Variants in LRP1B observed in about 807,000 individuals in gnomAD.
The protein encoded by LRP1B is low-density lipoprotein receptor-related protein 1B.
LRP1B carries 217 observed loss-of-function variants against 556.6 expected under a neutral mutation model. The ratio of observed to expected loss-of-function variants is 0.39; its 90% CI spans 0.35 to 0.44. The LOEUF (loss-of-function observed/expected upper bound fraction) is 0.44. Ranked by LOEUF, LRP1B falls within the 20% of genes least tolerant of loss-of-function variation. The pLI is 1.00. For synonymous variants in LRP1B, 2,047 were observed against 1,865.8 expected, an observed-to-expected ratio of 1.10 and a Z score of -2.50; for missense variants, 5,053 against 5,620.8, an observed-to-expected ratio of 0.90 and a Z score of 3.23.
intron 2 of LRP1B, among the ~76,000 whole-genome samples, chr2:141,640,809 GAA>G (rs5834854): frequency 1.1e-4 from 17 of 150,488 alleles, no homozygotes; most frequent in East Asian, 3.9e-4. Flanking sequence ...ATAAAAATAA[GAA>G]AAAAAAAAAT....
intron 3 of LRP1B, among the ~76,000 whole-genome samples, chr2:141,429,448 A>G (rs1219834709): frequency 6.6e-6 from 1 of 152,140 alleles, no homozygotes; most frequent in Non-Finnish European, 1.5e-5. Flanking sequence ...CTTTTGGGGG[A>G]AAATTTTGTC....
At chr2:141,505,423 T>C (rs1236037074) in intron 2 of LRP1B, among the ~76,000 whole-genome samples, 4 of 152,098 alleles carry the variant, frequency 2.6e-5, no homozygotes, top group Non-Finnish European at 5.9e-5. Flanking sequence ...TGTAACAGTA[T>C]GTATACTCAC....
At chr2:141,774,936 T>TA (rs992995371) in intron 2 of LRP1B, among the ~76,000 whole-genome samples, 33 of 152,342 alleles carry the variant, frequency 2.2e-4, no homozygotes, top group African/African-American at 7.7e-4. Context: ...ATCTTTAAGA[T>TA]ACATATTCTT....
chr2:140,506,697 A>C, intron 53 of LRP1B, 99 bp downstream of exon 53: 1 of 1,275,852 alleles, frequency 7.8e-7, no homozygotes, highest in Non-Finnish European at 1.1e-6. Context: ...GATGACACTA[A>C]GAAATGTGTT....
rs191167048 is a variant in LRP1B at position 141,771,433 on chromosome 2, C to T, written c.205+38846G>A. ...TCTGTTAATCTGTTAACAGTCTTTTCCAGTGGGGATTTTAACCATGCATAA... is the reference window on the plus strand; with the variant it reads ...TCTGTTAATCTGTTAACAGTCTTTTTCAGTGGGGATTTTAACCATGCATAA... On this transcript the variant is annotated intron_variant, in intron 2 of 90. Transcript: ENST00000389484. Among the ~76,000 whole-genome samples the T allele has an allele frequency of 3.9e-5, 6 of 152,198 alleles. No individual in the cohort carries two copies. In the East Asian group the frequency reaches 1.2e-3, roughly 29 times the overall value.
chr2:141,879,708 A>G (rs182973341), intron 1 of LRP1B, among the ~76,000 whole-genome samples: 44 of 152,146 alleles, frequency 2.9e-4, no homozygotes, highest in African/African-American at 8.9e-4. Context: ...ATTAAAGAAA[A>G]ATAGAGTCAT....
intron 72 of LRP1B, among the ~76,000 whole-genome samples, chr2:140,359,438 T>C (rs865885229): frequency 2.6e-5 from 4 of 151,702 alleles, no homozygotes; most frequent in African/African-American, 4.8e-5. Flanking sequence ...AGTTTAGATA[T>C]GTATTTGAGG....
intron 2 of LRP1B, among the ~76,000 whole-genome samples, chr2:141,749,441 G>A (rs937446496): frequency 3.3e-5 from 5 of 152,070 alleles, no homozygotes; most frequent in African/African-American, 1.2e-4. Context: ...TTTCACCCAG[G>A]AAAGAAATGG....
At position 141,288,019 on chromosome 2, in the gene LRP1B, C is replaced by T. The variant is rs143981546; in HGVS notation, c.344-33378G>A. Reference sequence around the variant, plus strand: ...TGATGGCACCAGTGATTACAATATACATAGTATCTACTATCCCAACTCCTT... The same window carrying T: ...TGATGGCACCAGTGATTACAATATATATAGTATCTACTATCCCAACTCCTT... On this transcript the variant is annotated intron_variant, in intron 3 of 90. Coordinates refer to ENST00000389484, the MANE Select transcript of LRP1B (RefSeq NM_018557.3). Among the ~76,000 whole-genome samples the T allele has an allele frequency of 3.3e-3, 509 of 152,176 alleles. 3 individuals are homozygous for T. The highest frequency in any genetic ancestry group is 0.012 in the African/African-American group (484 of 41,552).
intron 3 of LRP1B, among the ~76,000 whole-genome samples, chr2:141,397,907 C>CATAT (rs1553508629): frequency 6.6e-6 from 1 of 151,332 alleles, no homozygotes. Context: ...TATATACACA[C>CATAT]ACATATATGC....
At chr2:141,030,506 C>T (rs1403491604) in intron 11 of LRP1B, among the ~76,000 whole-genome samples, 1 of 151,976 alleles carries the variant, frequency 6.6e-6, no homozygotes, top group Admixed American at 6.6e-5. Context: ...AGAAAATATG[C>T]ACATTCTTCT....
At chr2:141,096,094 A>G (rs1304665766) in intron 7 of LRP1B, among the ~76,000 whole-genome samples, 1 of 152,152 alleles carries the variant, frequency 6.6e-6, no homozygotes, top group Non-Finnish European at 1.5e-5. Flanking sequence ...ATGAGAATTC[A>G]ATTTAGACTT....
At chr2:141,181,904 C>A (rs1681015697) in intron 7 of LRP1B, among the ~76,000 whole-genome samples, 3 of 151,948 alleles carry the variant, frequency 2.0e-5, no homozygotes, top group Non-Finnish European at 2.9e-5. Context: ...TATAAAACAG[C>A]TGACATGAAT....
At chr2:141,983,928 G>T (rs1197575552) in intron 1 of LRP1B, among the ~76,000 whole-genome samples, 1 of 152,134 alleles carries the variant, frequency 6.6e-6, no homozygotes, top group Non-Finnish European at 1.5e-5. Flanking sequence ...GGGCATAGTG[G>T]CAGGTGCCTA....
At chr2:140,684,270 C>T (rs142265052) in intron 41 of LRP1B, among the ~76,000 whole-genome samples, 85 of 152,286 alleles carry the variant, frequency 5.6e-4, no homozygotes, top group African/African-American at 1.9e-3. Flanking sequence ...ATTTTGAAAT[C>T]AATGTTCATC....
chr2:141,682,952 T>A (rs766960285), intron 2 of LRP1B, among the ~76,000 whole-genome samples: 19 of 152,252 alleles, frequency 1.2e-4, no homozygotes, highest in Non-Finnish European at 1.6e-4. Context: ...TATAATTATT[T>A]CTAAATGTGG....
intron 45 of LRP1B, among the ~76,000 whole-genome samples, chr2:140,538,323 C>T (rs1457412325): frequency 2.6e-5 from 4 of 152,032 alleles, no homozygotes; most frequent in African/African-American, 7.2e-5. Context: ...TTCTGTCACC[C>T]GGGTACTGAG....
intron 1 of LRP1B, among the ~76,000 whole-genome samples, chr2:142,092,488 C>G (rs767444814): frequency 6.6e-6 from 1 of 151,996 alleles, no homozygotes; most frequent in Non-Finnish European, 1.5e-5. Flanking sequence ...AAGGAAATTG[C>G]TTTTTAAAAT....
At chr2:141,627,149 T>C (rs376028565) in intron 2 of LRP1B, among the ~76,000 whole-genome samples, 1 of 152,310 alleles carries the variant, frequency 6.6e-6, no homozygotes, top group African/African-American at 2.4e-5. Flanking sequence ...TTGAAAGACA[T>C]GGAAGAAACT....
Sources: gnomAD v4.1 joint callset for allele counts (sites outside exome capture counted in the v4.1 genomes callset) on GRCh38, gnomAD v4.1.1 for gene constraint, MANE v1.5 for transcripts, NCBI Gene and HGNC (gene_info 2026-07-23, HGNC 2026-07-21) for gene names.